The following CDK20 variants were observed in gnomAD, a reference collection of about 807,000 sequenced individuals.
The protein encoded by CDK20 is cyclin dependent kinase 20.
In CDK20, 40 loss-of-function variants were observed where a neutral mutation model predicts 38.6. The ratio of observed to expected loss-of-function variants is 1.04; its 90% CI spans 0.81 to 1.35. The LOEUF (loss-of-function observed/expected upper bound fraction) is 1.35. Among genes scored for constraint, CDK20 ranks in the 40% most tolerant of loss-of-function variants. The probability of loss-of-function intolerance (pLI) is 0.00; values close to 1 mark genes in which losing one functional copy is unlikely to be tolerated. For missense variants in CDK20, 512 were observed against 452.6 expected (o/e 1.13, Z -1.19); for synonymous variants, 209 against 185.7 (o/e 1.13, Z -1.02).
rs751310432 is a variant in CDK20, at chr9:87,966,695, G to A, written c.*767C>T. ...AAATACACAGCTGCTTCTGGCTCAC[G>A]CTCATCCTGAGGGAGTAGATGTTGG... On this transcript the variant is annotated 3_prime_UTR_variant, in exon 8 of 8. Coordinates refer to ENST00000325303, the MANE Select transcript of CDK20 (RefSeq NM_001039803.3). The A allele has an allele frequency of 3.3e-5, 7 of 210,274 alleles. No homozygotes were observed. The highest frequency in any genetic ancestry group is 9.0e-5 in the South Asian group (1 of 11,100). 13.0% of individuals were successfully genotyped at this position (210,274 alleles called of 1,614,324 possible).
intron 2 of CDK20, among the ~76,000 whole-genome samples, 156 bp from the exon 3 acceptor site, chr9:87,971,491 C>T (rs570185975): frequency 2.0e-5 from 3 of 152,174 alleles, no homozygotes; most frequent in South Asian, 2.1e-4. Context: ...TCAGAGAGCT[C>T]GATGCTCATG....
Position 87,966,463 on chromosome 9 carries a change from A to G in CDK20, c.*999T>C, listed in dbSNP as rs1829446819. ...CTGTTTTTATCCTTGAACCACAATC[A>G]TACTCTTTATTATTATACAAACTTT... On this transcript the variant is annotated 3_prime_UTR_variant, in exon 8 of 8. Transcript: ENST00000325303. The G allele has an allele frequency of 6.5e-6, 1 of 152,872 alleles. No homozygotes were observed. Among genetic ancestry groups the G allele is most frequent in the Non-Finnish European group, 1.5e-5 (1 of 68,574 alleles). The allele number at this position is 152,872 out of a possible 1,614,324, so 9.5% of individuals were successfully genotyped here. A position where few individuals can be genotyped will look rare whatever the true frequency, so the allele number is the denominator to read the frequency against.
intron 5 of CDK20, 70 bp from the exon 6 acceptor site, chr9:87,969,989 C>G: frequency 6.8e-7 from 1 of 1,478,386 alleles, no homozygotes; most frequent in Non-Finnish European, 9.0e-7. Context: ...CACAGAGCAG[C>G]TCTAACACTG....
rs773177668 is a variant in CDK20, at chr9:87,974,481, C to G, written c.-35G>C. 23 of 1,586,326 alleles carry G rather than the reference C, an allele frequency of 1.4e-5. No homozygotes were observed. The highest frequency in any genetic ancestry group is 1.8e-5 in the Non-Finnish European group (21 of 1,164,192). On this transcript the variant is annotated 5_prime_UTR_variant, in exon 1 of 8. Transcript: ENST00000325303. ...GTCGTGGGCCTGTGCCCCTGTGCCC[C>G]TGAACTTCCAAACTCCACTTCTCCT...
In CDK20 at chr9:87,974,493, A is replaced by T. The variant is rs1333772477; in HGVS notation, c.-47T>A. 6.5e-7 allele frequency: 1 copy of T among 1,537,694 alleles called. No individual in the cohort carries two copies. Among genetic ancestry groups the T allele is most frequent in the Admixed American group, 1.8e-5 (1 of 56,682 alleles). ...TGCCCCTGTGCCCCTGAACTTCCAA[A>T]CTCCACTTCTCCTCCACCCCACGCT... On this transcript the variant is annotated 5_prime_UTR_variant, in exon 1 of 8. Coordinates refer to ENST00000325303, the MANE Select transcript of CDK20 (RefSeq NM_001039803.3).
At chr9:87,970,979 C>T (rs1829809576) in intron 3 of CDK20, 82 bp from the exon 4 acceptor site, 1 of 1,579,402 alleles carries the variant, frequency 6.3e-7, no homozygotes. Context: ...TCTAACCACT[C>T]AGGTCAGCCC....
chr9:87,967,783 C>T lies in CDK20; in HGVS notation c.844-124G>A, dbSNP rs149446030. ...GTGTGTCTGGGTGTTTTCTGAGTGT[C>T]TACTATGTCTGAAGCACTATTCCAG... On this transcript the variant is annotated intron_variant, in intron 7 of 7. Transcript: ENST00000325303. 5 of 789,008 alleles carry T rather than the reference C, an allele frequency of 6.3e-6. No individual in the cohort carries two copies. In the East Asian group the frequency reaches 8.2e-5, roughly 13 times the overall value. The allele number at this position is 789,008 out of a possible 1,614,324, so 48.9% of individuals were successfully genotyped here.
intron 5 of CDK20, 71 bp downstream of exon 5, chr9:87,970,497 G>T: frequency 7.0e-7 from 1 of 1,422,242 alleles, no homozygotes; most frequent in Non-Finnish European, 9.7e-7. Flanking sequence ...CCACCAAACA[G>T]CTCAGAGACC....
rs756622312 is a variant in CDK20 at position 87,971,153 on chromosome 9, T to A, written c.372A>T (p.Val124=). ...GVAFCHANNI[V]HRDLKPANLL... is the part of the protein sequence containing the mutation. ...GGCCTATGCTGAGACTGACCCGATG[T>A]ACAATGTTGTTGGCATGGCAGAAGG... Residue 124 remains valine, a synonymous_variant, in exon 3 of 8, where the codon GTA becomes GTT. Transcript: ENST00000325303. 3.1e-6 allele frequency: 5 copies of A among 1,613,798 alleles called. No individual in the cohort carries two copies. The highest frequency in any genetic ancestry group is 4.2e-6 in the Non-Finnish European group (5 of 1,179,838).
chr9:87,973,916 ACTCACATACTGATTGTCCTCCATCTCCTG>A lies in CDK20; in HGVS notation c.166_189+5del, dbSNP rs1830042831. The A allele has an allele frequency of 1.2e-6, 2 of 1,613,170 alleles. No individual in the cohort carries two copies. Among genetic ancestry groups the A allele is most frequent in the Non-Finnish European group, 1.7e-6 (2 of 1,179,618 alleles). On this transcript the variant is annotated splice_donor_variant and splice_donor_5th_base_variant and coding_sequence_variant and intron_variant, in exon 2 of 8. Coordinates refer to ENST00000325303, the MANE Select transcript of CDK20 (RefSeq NM_001039803.3). LOFTEE classifies it high-confidence loss of function. Reference sequence around the variant, plus strand: ...GAGAATACCATGCCCCCCCTCCCCTACTCACATACTGATTGTCCTCCATCTCCTGCAGAGCCTTAATCTCCCGCAGGGCC... The same window carrying A: ...GAGAATACCATGCCCCCCCTCCCCTACAGAGCCTTAATCTCCCGCAGGGCC...
chr9:87,974,431 T>G lies in CDK20; in HGVS notation c.16A>C (p.Ile6Leu). ...GCGCCCTCCCCGATGCGGCCCAGGA[T>G]GCAGTACTGGTCCATCCCGCTGCAG... MDQYC[I>L]LGRIGEGAHG... Residue 6 changes from isoleucine (I) to leucine (L), a missense_variant, in exon 1 of 8, where the codon ATC (isoleucine) becomes CTC (leucine). Coordinates refer to ENST00000325303, the MANE Select transcript of CDK20 (RefSeq NM_001039803.3). 6.2e-7 allele frequency: 1 copy of G among 1,612,662 alleles called. No individual in the cohort carries two copies. The highest frequency in any genetic ancestry group is 1.1e-5 in the South Asian group (1 of 91,080).
At chr9:87,969,411 T>G in intron 6 of CDK20, 62 bp from the exon 7 acceptor site, 3 of 1,555,602 alleles carry the variant, frequency 1.9e-6, no homozygotes, top group African/African-American at 1.4e-5. Flanking sequence ...CCATGCTCTC[T>G]GCTGTCAACT....
At position 87,973,914 on chromosome 9, in the gene CDK20, C is replaced by T. The variant is rs753311736; in HGVS notation, c.189+8G>A. 6.2e-7 allele frequency: 1 copy of T among 1,612,976 alleles called. No homozygotes were observed. The highest frequency in any genetic ancestry group is 1.3e-5 in the African/African-American group (1 of 74,910). On this transcript the variant is annotated splice_region_variant and intron_variant, in intron 2 of 7. Transcript: ENST00000325303. ...GTGAGAATACCATGCCCCCCCTCCC[C>T]TACTCACATACTGATTGTCCTCCAT...
rs759623022 is a variant in CDK20, at chr9:87,967,295, A to G, written c.*167T>C. 2.7e-5 allele frequency: 20 copies of G among 734,220 alleles called. No individual in the cohort carries two copies. Among genetic ancestry groups the G allele is most frequent in the East Asian group, 2.4e-4 (9 of 37,344 alleles). The allele number at this position is 734,220 out of a possible 1,614,324, so 45.5% of individuals were successfully genotyped here. ...TGTTCTCATACTCTTGGCTGGGAACATGACCTCTGCCTCGAGACCAACCCT... is the reference window on the plus strand; with the variant it reads ...TGTTCTCATACTCTTGGCTGGGAACGTGACCTCTGCCTCGAGACCAACCCT... On this transcript the variant is annotated 3_prime_UTR_variant, in exon 8 of 8. Coordinates refer to ENST00000325303, the MANE Select transcript of CDK20 (RefSeq NM_001039803.3).
intron 6 of CDK20, 187 bp from the exon 7 acceptor site, chr9:87,969,536 T>G: frequency 1.3e-6 from 1 of 778,258 alleles, no homozygotes; most frequent in South Asian, 1.8e-5. Context: ...CCTTGCCCTC[T>G]CAGATGACGA....
intron 5 of CDK20, chr9:87,970,352 C>T: frequency 1.8e-6 from 1 of 552,372 alleles, no homozygotes; most frequent in Non-Finnish European, 3.2e-6. Flanking sequence ...CCACCTGGGA[C>T]CACCATTCTC....
At chr9:87,971,050 T>C (rs1829814296) in intron 3 of CDK20, 97 bp downstream of exon 3, 2 of 1,507,516 alleles carry the variant, frequency 1.3e-6, no homozygotes, top group East Asian at 2.3e-5. Flanking sequence ...TGACCAGCTC[T>C]GTCCCAACTT....
chr9:87,974,120 A>G (rs1830061862), intron 1 of CDK20, 85 bp from the exon 2 acceptor site: 1 of 1,599,106 alleles, frequency 6.3e-7, no homozygotes, highest in Non-Finnish European at 8.5e-7. Flanking sequence ...TGGTTGAGAG[A>G]GAGACACGCG....
chr9:87,972,711 G>A lies in CDK20; in HGVS notation c.189+1211C>T, dbSNP rs141130433. On this transcript the variant is annotated intron_variant, in intron 2 of 7. Transcript: ENST00000325303. ...GTGGTGATGATGACTTGGGCAAGGA[G>A]CAAATCTAGAGTATGTTTTAAAGTT... Among the ~76,000 whole-genome samples the A allele has an allele frequency of 3.6e-3, 542 of 152,336 alleles. 3 individuals carry two copies. The highest frequency in any genetic ancestry group is 0.013 in the African/African-American group (527 of 41,582).
Sources: allele counts gnomAD v4.1 joint callset (sites outside exome capture counted in the v4.1 genomes callset), GRCh38; gene constraint gnomAD v4.1.1; transcripts MANE v1.5; gene names NCBI Gene and HGNC (gene_info 2026-07-23, HGNC 2026-07-21).